The following PTPRM variants were observed in gnomAD, a reference collection of about 807,000 sequenced individuals.
The protein encoded by PTPRM is receptor-type tyrosine-protein phosphatase mu.
PTPRM carries 47 observed loss-of-function variants against 186.7 expected under a neutral mutation model. That is an observed-to-expected ratio of 0.25 (90% confidence interval 0.20 to 0.32). The LOEUF (loss-of-function observed/expected upper bound fraction) is 0.32, where lower values mean the gene tolerates loss of function less well. Ranked by LOEUF, PTPRM falls within the 10% of genes least tolerant of loss-of-function variation. PTPRM has a pLI of 1.00. For synonymous variants in PTPRM, 668 were observed against 674.9 expected (o/e 0.99, Z 0.16); for missense variants, 1,494 against 1,865.0 (o/e 0.80, Z 3.66).
chr18:8,232,834 G>A (rs149345967), intron 14 of PTPRM, among the ~76,000 whole-genome samples: 11 of 152,310 alleles, frequency 7.2e-5, no homozygotes, highest in South Asian at 2.1e-4. Context: ...GGGTCAGGGG[G>A]CACCTTGCTT....
At chr18:8,338,578 G>A (rs139557844) in intron 22 of PTPRM, among the ~76,000 whole-genome samples, 7 of 152,290 alleles carry the variant, frequency 4.6e-5, no homozygotes, top group African/African-American at 1.7e-4. Flanking sequence ...CTCACTAGCT[G>A]TGTGACCTTA....
chr18:8,023,777 A>G (rs1183194100), intron 7 of PTPRM, among the ~76,000 whole-genome samples: 1 of 151,758 alleles, frequency 6.6e-6, no homozygotes, highest in Non-Finnish European at 1.5e-5. Flanking sequence ...TGCTATGGAT[A>G]ATATACAATG....
Position 7,668,731 on chromosome 18 carries a change from A to G in PTPRM, c.73+100840A>G, listed in dbSNP as rs1284063604. 6.6e-6 allele frequency among the ~76,000 whole-genome samples: 1 copy of G among 152,056 alleles called. No homozygotes were observed. The highest frequency in any genetic ancestry group is 1.5e-5 in the Non-Finnish European group (1 of 68,016). On this transcript the variant is annotated intron_variant, in intron 1 of 32. Coordinates refer to ENST00000580170, the MANE Select transcript of PTPRM (RefSeq NM_001105244.2). The surrounding 1 kb of genome is among the most constrained non-coding windows in gnomAD (Gnocchi z 4.7). ...CTCACCTTCTTAGGTCCTAGTGTCA[A>G]CTTCTCAGCAAGGCTCACCCTGGCC...
At chr18:8,372,751 G>C (rs970724710) in intron 24 of PTPRM, among the ~76,000 whole-genome samples, 2 of 148,928 alleles carry the variant, frequency 1.3e-5, no homozygotes, top group African/African-American at 4.9e-5. Context: ...GAGGATTTTT[G>C]TATGGCTGTT....
chr18:7,844,610 A>G (rs965620894), intron 2 of PTPRM, among the ~76,000 whole-genome samples: 1 of 152,138 alleles, frequency 6.6e-6, no homozygotes, highest in Non-Finnish European at 1.5e-5. Flanking sequence ...CTGGAATGTG[A>G]TGTAATTACT....
At chr18:8,066,236 A>G (rs1464321719) in intron 7 of PTPRM, among the ~76,000 whole-genome samples, 1 of 152,254 alleles carries the variant, frequency 6.6e-6, no homozygotes, top group Non-Finnish European at 1.5e-5. Context: ...AAGAATTGTC[A>G]GATTTCCTTA....
At chr18:8,008,593 T>C (rs1205156444) in intron 7 of PTPRM, among the ~76,000 whole-genome samples, 1 of 152,156 alleles carries the variant, frequency 6.6e-6, no homozygotes, top group Non-Finnish European at 1.5e-5. Flanking sequence ...TTCAATAATG[T>C]GGTTGGTTGA....
At chr18:7,815,550 GC>G (rs951559545) in intron 2 of PTPRM, 43 of 152,268 alleles carry the variant, frequency 2.8e-4, no homozygotes, top group African/African-American at 9.9e-4. Flanking sequence ...GGGCATCATT[GC>G]CCTTGCCTGC....
chr18:8,035,543 CTATAT>C (rs1409742068), intron 7 of PTPRM, among the ~76,000 whole-genome samples: 4 of 152,162 alleles, frequency 2.6e-5, no homozygotes, highest in South Asian at 2.1e-4. Context: ...AGTTCTTATA[CTATAT>C]TATTTTTTAT....
intron 1 of PTPRM, among the ~76,000 whole-genome samples, chr18:7,597,518 C>G (rs73941941): frequency 0.017 from 2,586 of 152,232 alleles, 81 homozygotes; most frequent in African/African-American, 0.059. Context: ...AAGGTGTGAG[C>G]AGGATGAAAT....
At chr18:8,171,789 A>G (rs944808695) in intron 14 of PTPRM, among the ~76,000 whole-genome samples, 1 of 152,140 alleles carries the variant, frequency 6.6e-6, no homozygotes, top group Non-Finnish European at 1.5e-5. Context: ...ATCATAAGTA[A>G]GAAATGCAGT....
At chr18:7,579,007 T>C (rs1170389859) in intron 1 of PTPRM, among the ~76,000 whole-genome samples, 6 of 152,128 alleles carry the variant, frequency 3.9e-5, no homozygotes, top group African/African-American at 1.4e-4. Flanking sequence ...ACATCCCCTT[T>C]CTGGGTCCAA....
At position 8,044,149 on chromosome 18, in the gene PTPRM, A is replaced by G. The variant is rs114935947; in HGVS notation, c.1133-25537A>G. Among the ~76,000 whole-genome samples the G allele has an allele frequency of 1.9e-3, 296 of 152,314 alleles. 3 individuals carry two copies. Among genetic ancestry groups the G allele is most frequent in the African/African-American group, 6.6e-3 (274 of 41,568 alleles). On this transcript the variant is annotated intron_variant, in intron 7 of 32. Transcript: ENST00000580170. Reference sequence around the variant, plus strand: ...TGTGTTAGTGTTTGTTCAAGTCTTTATAGGCCAGGGTTGAGGCCTAGTCAA... The same window carrying G: ...TGTGTTAGTGTTTGTTCAAGTCTTTGTAGGCCAGGGTTGAGGCCTAGTCAA...
intron 1 of PTPRM, among the ~76,000 whole-genome samples, chr18:7,662,206 G>T (rs1472708824): frequency 6.6e-6 from 1 of 152,170 alleles, no homozygotes; most frequent in Non-Finnish European, 1.5e-5. Context: ...AAAATGCTAG[G>T]GTTACAGGCA....
intron 14 of PTPRM, among the ~76,000 whole-genome samples, chr18:8,147,878 C>T (rs1029323448): frequency 6.6e-6 from 1 of 151,962 alleles, no homozygotes; most frequent in Non-Finnish European, 1.5e-5. Flanking sequence ...TGTCAAAGAC[C>T]TTTTCTGCAT....
chr18:7,594,045 A>C (rs537827926), intron 1 of PTPRM, among the ~76,000 whole-genome samples: 25 of 152,032 alleles, frequency 1.6e-4, no homozygotes, highest in Non-Finnish European at 3.2e-4. Flanking sequence ...TAGCTTTGTC[A>C]CTCTATACGA....
At chr18:7,724,109 AG>A (rs2040500879) in intron 1 of PTPRM, among the ~76,000 whole-genome samples, 1 of 151,834 alleles carries the variant, frequency 6.6e-6, no homozygotes, top group African/African-American at 2.4e-5. Context: ...AAACTCCTGG[AG>A]GAGAAAAAGT....
intron 24 of PTPRM, among the ~76,000 whole-genome samples, chr18:8,374,942 C>A (rs1304687525): frequency 6.6e-6 from 1 of 152,056 alleles, no homozygotes; most frequent in Non-Finnish European, 1.5e-5. Flanking sequence ...TTTTAAGATA[C>A]AATAAAACCA....
intron 2 of PTPRM, among the ~76,000 whole-genome samples, chr18:7,832,188 C>T (rs1360183182): frequency 2.6e-5 from 4 of 152,110 alleles, no homozygotes; most frequent in Non-Finnish European, 2.9e-5. Flanking sequence ...TTTAGTTTTT[C>T]GAGGAACCTT....
Sources: gnomAD v4.1 joint callset for allele counts (sites outside exome capture counted in the v4.1 genomes callset) on GRCh38, gnomAD v4.1.1 for gene constraint, Gnocchi (gnomAD v3.1) non-coding constraint, MANE v1.5 for transcripts, NCBI Gene and HGNC (gene_info 2026-07-23, HGNC 2026-07-21) for gene names.